Variants in HSPA4 observed in about 807,000 individuals in gnomAD.
HSPA4 encodes the protein heat shock protein family A (Hsp70) member 4, also known as heat shock 70 kDa protein 4.
A neutral mutation model predicts 106.2 loss-of-function variants in HSPA4; 25 were observed. The ratio of observed to expected loss-of-function variants is 0.24; its 90% CI spans 0.17 to 0.33. The LOEUF (loss-of-function observed/expected upper bound fraction) is 0.33. HSPA4 is among the 10% of genes least tolerant of loss of function. The pLI is 1.00. For synonymous variants in HSPA4, 332 were observed against 333.6 expected (o/e 1.00, Z 0.05); for missense variants, 841 against 996.0 (o/e 0.84, Z 2.10).
In HSPA4 at chr5:133,104,994, C is replaced by T. The variant is rs1407366304; in HGVS notation, c.*558C>T. ...CCCTCACCTGTGTTCTCTTCCCTCTCTCCCAATAAAAGGGCTCCCATTATA... is the reference window on the plus strand; with the variant it reads ...CCCTCACCTGTGTTCTCTTCCCTCTTTCCCAATAAAAGGGCTCCCATTATA... On this transcript the variant is annotated 3_prime_UTR_variant, in exon 19 of 19. Coordinates refer to ENST00000304858, the MANE Select transcript of HSPA4 (RefSeq NM_002154.4). 6.6e-6 allele frequency: 1 copy of T among 152,626 alleles called. No individual in the cohort carries two copies. Among genetic ancestry groups the T allele is most frequent in the African/African-American group, 2.4e-5 (1 of 41,458 alleles). 9.5% of individuals were successfully genotyped at this position (152,626 alleles called of 1,614,324 possible). A position where few individuals can be genotyped will look rare whatever the true frequency, so the allele number is the denominator to read the frequency against.
chr5:133,091,008 T>C (rs1045780327), intron 11 of HSPA4, 185 bp from the exon 12 acceptor site: 8 of 687,010 alleles, frequency 1.2e-5, no homozygotes, highest in Non-Finnish European at 1.9e-5. Context: ...AATAAGAGAC[T>C]GTGAAAGAAG....
Position 133,101,884 on chromosome 5 carries a change from T to C in HSPA4, c.2157+6T>C. On this transcript the variant is annotated splice_donor_region_variant and intron_variant, in intron 17 of 18. Coordinates refer to ENST00000304858, the MANE Select transcript of HSPA4 (RefSeq NM_002154.4). ...TCAGCTCTTTCAAAAACAAGGTAAC[T>C]TTTTTCTTTGTCCTACTCTTATTTT... is the stretch of plus-strand genomic sequence containing the variant. 3 of 1,540,496 alleles carry C rather than the reference T, an allele frequency of 1.9e-6. No homozygotes were observed. Among genetic ancestry groups the C allele is most frequent in the South Asian group, 1.2e-5 (1 of 83,182 alleles).
rs767020506 is a variant in HSPA4, at chr5:133,097,305, G to A, written c.1929+19G>A. On this transcript the variant is annotated intron_variant, in intron 15 of 18. Transcript: ENST00000304858. The stretch of plus-strand genomic sequence containing the variant: ...TGAAGATGTAAGTCTGCCACAATAT[G>A]CCTAACTACTGTGTGTCTTCTGTGA... 6.2e-7 allele frequency: 1 copy of A among 1,606,998 alleles called. No individual in the cohort carries two copies. Among genetic ancestry groups the A allele is most frequent in the Admixed American group, 1.7e-5 (1 of 59,976 alleles).
intron 13 of HSPA4, 112 bp from the exon 14 acceptor site, chr5:133,095,986 C>T: frequency 2.5e-6 from 2 of 792,834 alleles, no homozygotes; most frequent in Non-Finnish European, 3.9e-6. Context: ...CTTAGATCAT[C>T]ATCAAAAGAG....
At chr5:133,053,665 TATTG>T (rs1160670717) in intron 1 of HSPA4, among the ~76,000 whole-genome samples, 2 of 149,182 alleles carry the variant, frequency 1.3e-5, no homozygotes, top group African/African-American at 2.5e-5. Flanking sequence ...GCTCACTTGT[TATTG>T]ATTGATTGAG....
intron 17 of HSPA4, among the ~76,000 whole-genome samples, chr5:133,102,913 C>CTTTTTTTTTTTTTTTTTTTTTTT (rs533273263): frequency 1.6e-4 from 17 of 103,336 alleles, no homozygotes; most frequent in Non-Finnish European, 2.6e-4. Flanking sequence ...CTAGGGTTGT[C>CTTTTTTTTTTTTTTTTTTTTTTT]TTTTTTTTTT....
Position 133,099,629 on chromosome 5 carries a change from G to A in HSPA4, c.2014G>A (p.Val672Ile), listed in dbSNP as rs1765760649. Residue 672 changes from valine (V) to isoleucine (I), a missense_variant, in exon 16 of 19, where the codon GTT (valine) becomes ATT (isoleucine). Around this residue, in one of 5 missense-constraint regions of HSPA4, gnomAD observed 328 missense variants for 372.2 expected, o/e 0.88. Coordinates refer to ENST00000304858, the MANE Select transcript of HSPA4 (RefSeq NM_002154.4). ...AGAAGACCAGCCAAAGCAAGTTTAT[G>A]TTGATAAGTTGGCTGAATTAAAAGT... is the stretch of plus-strand genomic sequence containing the variant. ...DGEDQPKQVY[V>I]DKLAELKNLG... 1 of 1,593,860 alleles carries A rather than the reference G, an allele frequency of 6.3e-7. No homozygotes were observed. The highest frequency in any genetic ancestry group is 8.6e-7 in the Non-Finnish European group (1 of 1,163,542).
intron 6 of HSPA4, among the ~76,000 whole-genome samples, chr5:133,075,848 TAAAGA>T (rs1344580873): frequency 2.0e-5 from 3 of 151,712 alleles, no homozygotes; most frequent in Non-Finnish European, 2.9e-5. Flanking sequence ...GAAAAAAAAA[TAAAGA>T]AAAGTTACTT....
intron 4 of HSPA4, among the ~76,000 whole-genome samples, chr5:133,071,284 CAAA>C (rs755520266): frequency 0.048 from 2,946 of 61,968 alleles, 140 homozygotes; most frequent in East Asian, 0.35. Flanking sequence ...CTGTCTTTAC[CAAA>C]AAAAAAAAAA....
rs1288405250 is a variant in HSPA4, at chr5:133,104,551, G to A, written c.*115G>A. 3 of 888,862 alleles carry A rather than the reference G, an allele frequency of 3.4e-6. No individual in the cohort carries two copies. Among genetic ancestry groups the A allele is most frequent in the South Asian group, 1.7e-5 (1 of 58,658 alleles). 55.1% of individuals were successfully genotyped at this position (888,862 alleles called of 1,614,324 possible). ...GAAGATTTCTTAGTCAGTTTTTAGG[G>A]GATTTTCGGGGAGGGGAAATAGGTA... is the stretch of plus-strand genomic sequence containing the variant. On this transcript the variant is annotated 3_prime_UTR_variant, in exon 19 of 19. Coordinates refer to ENST00000304858, the MANE Select transcript of HSPA4 (RefSeq NM_002154.4).
At chr5:133,076,308 G>C in intron 6 of HSPA4, 1 of 244,016 alleles carries the variant, frequency 4.1e-6, no homozygotes, top group South Asian at 6.4e-5. Flanking sequence ...TTTTACCTTG[G>C]ACATGTAACT....
At chr5:133,064,927 G>C (rs1765289247) in intron 1 of HSPA4, 53 bp from the exon 2 acceptor site, 2 of 1,459,396 alleles carry the variant, frequency 1.4e-6, no homozygotes, top group Non-Finnish European at 1.9e-6. Flanking sequence ...CTATGCTTTT[G>C]GATTTATTAT....
At chr5:133,100,666 T>C (rs76805269) in intron 16 of HSPA4, among the ~76,000 whole-genome samples, 3,322 of 152,308 alleles carry the variant, frequency 0.022, 111 homozygotes, top group African/African-American at 0.075. Flanking sequence ...GTGCCTGTAG[T>C]CCCAGCATCT....
chr5:133,100,064 T>C (rs542473945), intron 16 of HSPA4, among the ~76,000 whole-genome samples: 25 of 152,080 alleles, frequency 1.6e-4, no homozygotes, highest in African/African-American at 3.9e-4. Context: ...TATTTATTTA[T>C]TCATTTATTT....
intron 12 of HSPA4, among the ~76,000 whole-genome samples, chr5:133,091,922 A>G (rs1765652210): frequency 6.6e-6 from 1 of 152,086 alleles, no homozygotes; most frequent in South Asian, 2.1e-4. Flanking sequence ...GGTGGCACAC[A>G]CCTGTGGTCC....
chr5:133,096,018 A>G (rs1009603084), intron 13 of HSPA4, 80 bp from the exon 14 acceptor site: 1 of 1,277,664 alleles, frequency 7.8e-7, no homozygotes, highest in Non-Finnish European at 1.1e-6. Flanking sequence ...AAAAGCAAAA[A>G]CAGTTTTCCA....
intron 1 of HSPA4, among the ~76,000 whole-genome samples, chr5:133,053,309 G>T (rs1181079303): frequency 6.8e-6 from 1 of 146,744 alleles, no homozygotes; most frequent in Non-Finnish European, 1.5e-5. Flanking sequence ...TGTATTATTT[G>T]CCATTCAGGG....
At chr5:133,082,884 C>G (rs985922629) in intron 7 of HSPA4, among the ~76,000 whole-genome samples, 3 of 151,976 alleles carry the variant, frequency 2.0e-5, no homozygotes, top group Non-Finnish European at 2.9e-5. Flanking sequence ...GCCTGTAATC[C>G]CAGCATTTTG....
chr5:133,057,894 T>A (rs1765187798), intron 1 of HSPA4, among the ~76,000 whole-genome samples: 1 of 152,212 alleles, frequency 6.6e-6, no homozygotes, highest in South Asian at 2.1e-4. Flanking sequence ...GTGGTTAAAA[T>A]ATGAATAACA....
Sources: gnomAD v4.1 joint callset for allele counts (sites outside exome capture counted in the v4.1 genomes callset) on GRCh38, gnomAD v4.1.1 for gene constraint, gnomAD v4.1.1 regional missense constraint, MANE v1.5 for transcripts, NCBI Gene and HGNC (gene_info 2026-07-23, HGNC 2026-07-21) for gene names.